Variants in RBFOX1 observed in about 807,000 individuals in gnomAD.
RBFOX1 encodes RNA binding fox-1 homolog 1.
Under a neutral mutation model 57.7 loss-of-function variants are expected in RBFOX1, and 8 were observed. The observed-to-expected ratio is 0.14, with a 90% CI of 0.08 to 0.25. The LOEUF (loss-of-function observed/expected upper bound fraction) is 0.25. RBFOX1 is among the 10% of genes least tolerant of loss of function. The probability of loss-of-function intolerance (pLI) is 1.00; values close to 1 mark genes in which losing one functional copy is unlikely to be tolerated. For synonymous variants in RBFOX1, 326 were observed against 222.4 expected, an observed-to-expected ratio of 1.47 and a Z score of -4.15; for missense variants, 611 against 548.5, an observed-to-expected ratio of 1.11 and a Z score of -1.14.
At chr16:6,815,445 A>T (rs1359038806) in intron 3 of RBFOX1, among the ~76,000 whole-genome samples, 1 of 152,154 alleles carries the variant, frequency 6.6e-6, no homozygotes, top group African/African-American at 2.4e-5. Flanking sequence ...CTCTGGTTCA[A>T]ACACCTCTGA....
At chr16:6,196,592 G>A (rs759223705) in intron 1 of RBFOX1, among the ~76,000 whole-genome samples, 8 of 152,132 alleles carry the variant, frequency 5.3e-5, no homozygotes, top group Admixed American at 1.3e-4. Flanking sequence ...TGCCTAACTC[G>A]GTCCCTGAAA....
At chr16:6,290,378 G>A (rs529830572) in intron 1 of RBFOX1, among the ~76,000 whole-genome samples, 8 of 151,376 alleles carry the variant, frequency 5.3e-5, no homozygotes, top group Non-Finnish European at 1.2e-4. Flanking sequence ...TGTGACCATA[G>A]CATTTTTGGA....
intron 2 of RBFOX1, among the ~76,000 whole-genome samples, chr16:6,339,730 G>C (rs373155799): frequency 2.0e-5 from 3 of 151,802 alleles, no homozygotes; most frequent in Non-Finnish European, 4.4e-5. Flanking sequence ...GAGTGCAGTG[G>C]TGTGATCTTG....
At chr16:6,034,788 A>G (rs1282283021) in intron 1 of RBFOX1, among the ~76,000 whole-genome samples, 1 of 152,072 alleles carries the variant, frequency 6.6e-6, no homozygotes, top group African/African-American at 2.4e-5. Context: ...CTTTGTCCTC[A>G]TAACAACCCT....
rs1352681662 is a variant in RBFOX1 at position 7,063,939 on chromosome 16, T to C, written c.27+11841T>C. Among the ~76,000 whole-genome samples the C allele has an allele frequency of 3.3e-5, 5 of 152,300 alleles. No individual in the cohort carries two copies. The East Asian group carries it at 9.6e-4, about 29-fold the overall frequency. On this transcript the variant is annotated intron_variant, in intron 4 of 15. Transcript: ENST00000550418. ...ATATCAGCATCCATGGACTTTGGTA[T>C]TCGCAGGAAGTCTTGACACCAAGGT... is the stretch of plus-strand genomic sequence containing the variant.
intron 1 of RBFOX1, among the ~76,000 whole-genome samples, chr16:5,244,875 C>A (rs1365625838): frequency 5.3e-5 from 8 of 152,220 alleles, no homozygotes; most frequent in African/African-American, 1.9e-4. Context: ...CAAGCCCCTG[C>A]AGGGAAGCAA....
chr16:6,787,813 C>T (rs116738751), intron 3 of RBFOX1, among the ~76,000 whole-genome samples: 2,586 of 152,278 alleles, frequency 0.017, 78 homozygotes, highest in African/African-American at 0.059. Context: ...ACTTAATCCA[C>T]GTCTACTGAA....
chr16:5,372,712 A>T (rs1051164667), intron 1 of RBFOX1, among the ~76,000 whole-genome samples: 1 of 152,176 alleles, frequency 6.6e-6, no homozygotes, highest in African/African-American at 2.4e-5. Flanking sequence ...CTGTATATCT[A>T]TGTGGTTGGT....
At chr16:7,120,180 G>T (rs988214431) in intron 4 of RBFOX1, among the ~76,000 whole-genome samples, 1 of 152,136 alleles carries the variant, frequency 6.6e-6, no homozygotes, top group Admixed American at 6.6e-5. Context: ...GGTGGGAAGC[G>T]AAAGCAGTGC....
chr16:6,889,258 C>G (rs190562779), intron 3 of RBFOX1, among the ~76,000 whole-genome samples: 12 of 152,186 alleles, frequency 7.9e-5, no homozygotes, highest in Non-Finnish European at 1.5e-5. Context: ...TTCTTGCCCC[C>G]GTTAGCCCCA....
At chr16:7,192,801 A>G (rs2085749646) in intron 4 of RBFOX1, among the ~76,000 whole-genome samples, 1 of 152,216 alleles carries the variant, frequency 6.6e-6, no homozygotes, top group Admixed American at 6.5e-5. Flanking sequence ...AAATAAATAC[A>G]ACATTTTTAA....
At chr16:6,658,936 G>GTTTTTT (rs764621530) in intron 3 of RBFOX1, among the ~76,000 whole-genome samples, 1 of 108,486 alleles carries the variant, frequency 9.2e-6, no homozygotes, top group African/African-American at 3.2e-5. Flanking sequence ...TGGTTTTTTT[G>GTTTTTT]TTTTTTTTGT....
At chr16:7,536,423 G>C (rs1034467183) in intron 5 of RBFOX1, among the ~76,000 whole-genome samples, 4 of 152,076 alleles carry the variant, frequency 2.6e-5, no homozygotes, top group African/African-American at 9.7e-5. Context: ...GTAAAACCCT[G>C]TGTCTACTAA....
intron 3 of RBFOX1, among the ~76,000 whole-genome samples, chr16:5,819,313 C>T (rs1015904400): frequency 1.3e-5 from 2 of 152,182 alleles, no homozygotes; most frequent in Admixed American, 6.5e-5. Flanking sequence ...TTCATGAAGG[C>T]TTATGCCTGT....
chr16:7,064,552 C>G (rs962455778), intron 4 of RBFOX1, among the ~76,000 whole-genome samples: 1 of 152,108 alleles, frequency 6.6e-6, no homozygotes, highest in Non-Finnish European at 1.5e-5. Context: ...AGATGATCAC[C>G]TACCAGTCAA....
Position 6,999,591 on chromosome 16 carries a change from G to C in RBFOX1, c.-15-52466G>C, listed in dbSNP as rs1286197923. On this transcript the variant is annotated intron_variant, in intron 3 of 15. Transcript: ENST00000550418. ...CTGATCCCTCATATGCTTTACAGCAGATTTCAACAACTACCAATATGTGGC... is the reference window on the plus strand; with the variant it reads ...CTGATCCCTCATATGCTTTACAGCACATTTCAACAACTACCAATATGTGGC... 3.9e-5 allele frequency among the ~76,000 whole-genome samples: 6 copies of C among 152,108 alleles called. No individual in the cohort carries two copies. In the South Asian group the frequency reaches 1.2e-3, roughly 32 times the overall value.
Position 6,726,005 on chromosome 16 carries a change from A to G in RBFOX1, c.-16+71355A>G, listed in dbSNP as rs546765312. ...CTGGCCCTTTCATTATCCTTTCAGC[A>G]TTGCAAATCACCCTTTCTGTCTCGG... On this transcript the variant is annotated intron_variant, in intron 3 of 15. Coordinates refer to ENST00000550418, the MANE Select transcript of RBFOX1 (RefSeq NM_018723.4). Among the ~76,000 whole-genome samples, 8 of 152,292 alleles carry G rather than the reference A, an allele frequency of 5.3e-5. No individual in the cohort carries two copies. In the East Asian group the frequency reaches 1.4e-3, roughly 26 times the overall value.
chr16:5,521,156 A>G (rs1312927796), intron 2 of RBFOX1, among the ~76,000 whole-genome samples: 1 of 152,168 alleles, frequency 6.6e-6, no homozygotes, highest in Non-Finnish European at 1.5e-5. Flanking sequence ...CAACCCTTGC[A>G]GCTGAAAGCA....
chr16:7,189,442 A>AAAAG (rs1218508381), intron 4 of RBFOX1, among the ~76,000 whole-genome samples: 6 of 135,194 alleles, frequency 4.4e-5, no homozygotes, highest in African/African-American at 1.8e-4. Flanking sequence ...AAAAAAAAAA[A>AAAAG]AAAAAAGGAA....
Sources: gnomAD v4.1 joint callset for allele counts (sites outside exome capture counted in the v4.1 genomes callset) on GRCh38, gnomAD v4.1.1 for gene constraint, MANE v1.5 for transcripts, NCBI Gene and HGNC (gene_info 2026-07-23, HGNC 2026-07-21) for gene names.